Variants in CBLB observed in about 807,000 individuals in gnomAD.
CBLB encodes E3 ubiquitin-protein ligase CBL-B.
CBLB carries 31 observed loss-of-function variants against 104.9 expected under a neutral mutation model. The ratio of observed to expected loss-of-function variants is 0.30; its 90% CI spans 0.22 to 0.40. CBLB has a LOEUF of 0.40. CBLB is among the 10% of genes least tolerant of loss of function. The pLI is 1.00. For synonymous variants in CBLB, 440 were observed against 422.6 expected (o/e 1.04, Z -0.51); for missense variants, 1,062 against 1,214.6 (o/e 0.87, Z 1.87).
At chr3:105,766,375 C>T (rs923943808) in intron 4 of CBLB, among the ~76,000 whole-genome samples, 4 of 152,130 alleles carry the variant, frequency 2.6e-5, no homozygotes, top group African/African-American at 4.8e-5. Flanking sequence ...AGAGGACTGA[C>T]TCCAATTTTG....
intron 3 of CBLB, among the ~76,000 whole-genome samples, chr3:105,833,943 C>A (rs1389373722): frequency 1.3e-5 from 2 of 151,914 alleles, no homozygotes; most frequent in Non-Finnish European, 2.9e-5. Context: ...TTTTTCCAGA[C>A]CTTAAGGTTG....
chr3:105,684,639 G>A (rs976772250), intron 14 of CBLB, among the ~76,000 whole-genome samples: 55 of 151,268 alleles, frequency 3.6e-4, no homozygotes, highest in Admixed American at 9.9e-4. Flanking sequence ...TGCAACCTCC[G>A]CCTCCCGGGT....
intron 3 of CBLB, among the ~76,000 whole-genome samples, chr3:105,831,439 T>C (rs1419389660): frequency 1.7e-4 from 26 of 152,252 alleles, no homozygotes; most frequent in Admixed American, 1.7e-3. Flanking sequence ...CTGAAAATTG[T>C]GAGCTTCCCT....
chr3:105,858,182 C>A (rs909563019), intron 2 of CBLB, among the ~76,000 whole-genome samples: 1 of 152,134 alleles, frequency 6.6e-6, no homozygotes, highest in Non-Finnish European at 1.5e-5. Context: ...GTGCAACATA[C>A]AATGCTGAAC....
chr3:105,807,934 G>T (rs2083734061), intron 3 of CBLB, among the ~76,000 whole-genome samples: 1 of 152,194 alleles, frequency 6.6e-6, no homozygotes, highest in South Asian at 2.1e-4. Flanking sequence ...TGATGCGTCA[G>T]TGAGTGCTCA....
chr3:105,821,260 A>ATATCTATCTATCTATCTATC (rs10660729), intron 3 of CBLB, among the ~76,000 whole-genome samples: 31 of 149,518 alleles, frequency 2.1e-4, no homozygotes, highest in African/African-American at 4.7e-4. Flanking sequence ...ATCTATATCT[A>ATATCTATCTATCTATCTATC]TATCTATCTA....
chr3:105,731,825 A>T (rs770026266), intron 9 of CBLB, among the ~76,000 whole-genome samples: 2 of 152,210 alleles, frequency 1.3e-5, no homozygotes, highest in Non-Finnish European at 2.9e-5. Flanking sequence ...AACTCATAGC[A>T]GCTTCTGACT....
intron 7 of CBLB, among the ~76,000 whole-genome samples, chr3:105,737,792 C>A (rs140165258): frequency 6.2e-4 from 94 of 152,260 alleles, no homozygotes; most frequent in Non-Finnish European, 1.3e-3. Flanking sequence ...CTAACACAAA[C>A]ACATGTGCAC....
intron 3 of CBLB, among the ~76,000 whole-genome samples, chr3:105,779,506 TATAC>T (rs1196940409): frequency 6.6e-6 from 1 of 150,524 alleles, no homozygotes; most frequent in Non-Finnish European, 1.5e-5. Context: ...TATATGCATA[TATAC>T]ATACACATTC....
At chr3:105,694,184 C>T (rs758443477) in intron 12 of CBLB, among the ~76,000 whole-genome samples, 2 of 151,874 alleles carry the variant, frequency 1.3e-5, no homozygotes, top group Non-Finnish European at 2.9e-5. Flanking sequence ...TGTGAACACA[C>T]AAACCACAAT....
At chr3:105,846,901 C>A (rs925182707) in intron 3 of CBLB, among the ~76,000 whole-genome samples, 1 of 152,012 alleles carries the variant, frequency 6.6e-6, no homozygotes, top group African/African-American at 2.4e-5. Context: ...CCTGTGAGGA[C>A]TTGCAAAACT....
intron 3 of CBLB, among the ~76,000 whole-genome samples, chr3:105,809,497 C>T (rs79091188): frequency 0.074 from 11,205 of 152,234 alleles, 574 homozygotes; most frequent in East Asian, 0.29. Flanking sequence ...CACCTTGAGA[C>T]TTATTTTTTA....
At chr3:105,728,543 T>C (rs773296854) in intron 9 of CBLB, among the ~76,000 whole-genome samples, 1 of 152,208 alleles carries the variant, frequency 6.6e-6, no homozygotes, top group African/African-American at 2.4e-5. Context: ...CTGCATAATA[T>C]ACTACCTCAC....
intron 9 of CBLB, among the ~76,000 whole-genome samples, chr3:105,731,902 G>A (rs1187665784): frequency 6.6e-6 from 1 of 152,198 alleles, no homozygotes; most frequent in Non-Finnish European, 1.5e-5. Flanking sequence ...CTTGCAACAT[G>A]TATGCATGTG....
chr3:105,807,503 A>C (rs1328130166), intron 3 of CBLB, among the ~76,000 whole-genome samples: 1 of 152,202 alleles, frequency 6.6e-6, no homozygotes, highest in Non-Finnish European at 1.5e-5. Context: ...AGTTCAATAC[A>C]TAGTCTTATT....
intron 13 of CBLB, among the ~76,000 whole-genome samples, chr3:105,690,543 G>A (rs561333200): frequency 6.6e-6 from 1 of 152,164 alleles, no homozygotes; most frequent in Non-Finnish European, 1.5e-5. Flanking sequence ...TAAGACAAAG[G>A]CTGGGCATGG....
At chr3:105,843,931 A>T (rs1440903374) in intron 3 of CBLB, among the ~76,000 whole-genome samples, 2 of 152,214 alleles carry the variant, frequency 1.3e-5, no homozygotes, top group Non-Finnish European at 2.9e-5. Context: ...CCCTAAAAAG[A>T]TATGTTTAAA....
intron 12 of CBLB, among the ~76,000 whole-genome samples, chr3:105,698,605 C>CAAAAA (rs34896633): frequency 9.9e-5 from 8 of 80,784 alleles, no homozygotes; most frequent in East Asian, 3.8e-4. Flanking sequence ...ACCATTTGAC[C>CAAAAA]AAAAAAAAAA....
intron 3 of CBLB, among the ~76,000 whole-genome samples, chr3:105,786,070 G>GGGGGAGGGGGGA: frequency 7.1e-6 from 1 of 140,132 alleles, no homozygotes; most frequent in Non-Finnish European, 1.6e-5. Flanking sequence ...TCGGGGGGGG[G>GGGGGAGGGGGGA]AAAGTGGGTA....
Sources: allele counts gnomAD v4.1 joint callset (sites outside exome capture counted in the v4.1 genomes callset), GRCh38; gene constraint gnomAD v4.1.1; transcripts MANE v1.5; gene names NCBI Gene and HGNC (gene_info 2026-07-23, HGNC 2026-07-21).